Variants in KCNA6 observed in about 807,000 individuals in gnomAD.
KCNA6 encodes the protein human brain potassium channel-2.
A neutral mutation model predicts 29.5 loss-of-function variants in KCNA6; 17 were observed. The observed-to-expected ratio is 0.58, with a 90% CI of 0.39 to 0.86. The LOEUF is 0.86. Ranked by LOEUF, KCNA6 falls within the 40% of genes least tolerant of loss-of-function variation. The pLI, the probability that KCNA6 is intolerant of heterozygous loss-of-function variation, is 0.00. For missense variants in KCNA6, 450 were observed against 703.4 expected, an observed-to-expected ratio of 0.64 and a Z score of 4.07; for synonymous variants, 296 against 304.7, an observed-to-expected ratio of 0.97 and a Z score of 0.30.
the KCNA6 span, among the ~76,000 whole-genome samples, chr12:4,822,008 C>T: frequency 6.6e-6 from 1 of 152,062 alleles, no homozygotes; most frequent in African/African-American, 2.4e-5. Flanking sequence ...TAATTTTTTG[C>T]ATTTTTAGGA....
Position 4,810,451 on chromosome 12 carries a change from A to C in KCNA6, c.410A>C (p.Asp137Ala). 1 of 1,613,970 alleles carries C rather than the reference A, an allele frequency of 6.2e-7. No homozygotes were observed. The highest frequency in any genetic ancestry group is 8.5e-7 in the Non-Finnish European group (1 of 1,179,966). The change falls in exon 1 of 1, where the codon GAC (aspartate) becomes GCC (alanine). Residue 137 changes from aspartate (D) to alanine (A), a missense_variant. Asp to Ala is a moderately radical substitution (Grantham distance 126). Around this residue, in one of 7 missense-constraint regions of KCNA6, gnomAD observed 133 missense variants for 217.5 expected, o/e 0.61. Coordinates refer to ENST00000280684, the Ensembl canonical transcript of KCNA6. The surrounding 1 kb of genome is among the most constrained non-coding windows in gnomAD (Gnocchi z 7.5). ...GAGGCCCTGGCGGCCTTCCGGGAGG[A>C]CGAGGGCTGCCTGCCCGAAGGTGGC...
At position 4,810,582 on chromosome 12, in the gene KCNA6, G is replaced by A; in HGVS notation, c.541G>A (p.Val181Met). ...GGCCAGGGGCATCGCCATCGTCTCC[G>A]TGTTGGTCATTCTCATCTCCATAGT... The change falls in exon 1 of 1, where the codon GTG (valine) becomes ATG (methionine). Residue 181 changes from valine to methionine, a missense_variant. Physicochemically the swap from Val to Met is conservative, Grantham distance 21 (BLOSUM62 1). Transcript: ENST00000280684. The surrounding 1 kb of genome is among the most constrained non-coding windows in gnomAD (Gnocchi z 7.5). 6.2e-7 allele frequency: 1 copy of A among 1,614,150 alleles called. No homozygotes were observed. The highest frequency in any genetic ancestry group is 1.1e-5 in the South Asian group (1 of 91,072).
the KCNA6 span, among the ~76,000 whole-genome samples, chr12:4,821,733 A>G: frequency 1.3e-5 from 2 of 152,158 alleles, no homozygotes; most frequent in Admixed American, 1.3e-4. Context: ...TCCACCCACC[A>G]TCAGCAAAAG....
At chr12:4,823,898 T>C in the KCNA6 span, among the ~76,000 whole-genome samples, 8 of 152,218 alleles carry the variant, frequency 5.3e-5, no homozygotes, top group East Asian at 1.3e-3. Flanking sequence ...CCCACACCTG[T>C]AGCTGTGTCA....
In KCNA6 at chr12:4,810,552, G is replaced by C; in HGVS notation, c.511G>C (p.Gly171Arg). 6.2e-7 allele frequency: 1 copy of C among 1,614,140 alleles called. No homozygotes were observed. Among genetic ancestry groups the C allele is most frequent in the Non-Finnish European group, 8.5e-7 (1 of 1,180,022 alleles). ...GCTCTTTGAGTACCCAGAGAGCTCTGGGCCGGCCAGGGGCATCGCCATCGT... is the reference window on the plus strand; with the variant it reads ...GCTCTTTGAGTACCCAGAGAGCTCTCGGCCGGCCAGGGGCATCGCCATCGT... The change falls in exon 1 of 1, where the codon GGG becomes CGG. Residue 171 changes from glycine (G) to arginine (R), a missense_variant. Gly to Arg is a moderately radical substitution (Grantham distance 125). This residue lies in a region of KCNA6 where 133 missense variants were observed against 217.5 expected (regional missense o/e 0.61). Transcript: ENST00000280684. This position sits in a 1 kb window ranked among gnomAD's most constrained non-coding sequence, Gnocchi z 7.5.
exon 1 of KCNA6, chr12:4,812,903 G>T (rs1946645841): frequency 6.0e-6 from 1 of 167,062 alleles, no homozygotes; most frequent in Non-Finnish European, 1.5e-5. Context: ...TGACTTGGTG[G>T]CGTTCCCACT....
the KCNA6 span, among the ~76,000 whole-genome samples, chr12:4,827,429 G>T: frequency 6.6e-6 from 1 of 152,296 alleles, no homozygotes; most frequent in South Asian, 2.1e-4. Flanking sequence ...AAAATGCTGG[G>T]CAAGAAAAGA....
At chr12:4,816,970 C>G (rs1277798584), downstream of KCNA6, among the ~76,000 whole-genome samples, 1 of 152,216 alleles carries the variant, frequency 6.6e-6, no homozygotes, top group Non-Finnish European at 1.5e-5. Context: ...CTCCTCTCCG[C>G]TGGCTGAGCC....
At chr12:4,835,741 A>G in the KCNA6 span, among the ~76,000 whole-genome samples, 3 of 151,906 alleles carry the variant, frequency 2.0e-5, no homozygotes, top group Non-Finnish European at 4.4e-5. Flanking sequence ...AAAGACATCA[A>G]CTCAGCTGTC....
chr12:4,828,431 A>T, the KCNA6 span, among the ~76,000 whole-genome samples: 6 of 152,232 alleles, frequency 3.9e-5, no homozygotes, highest in Non-Finnish European at 7.3e-5. Flanking sequence ...GAACGGTGCT[A>T]CAACGAACAC....
rs977226680 is a variant in KCNA6 at position 4,811,816 on chromosome 12, A to C, written c.*185A>C. ...TGTTGCTTAATCCCTGCAGCATTCA[A>C]GGTTAATCCATCTAAGTGACATTTT... is the stretch of plus-strand genomic sequence containing the variant. On this transcript the variant is annotated 3_prime_UTR_variant, in exon 1 of 1. Coordinates refer to ENST00000280684, the Ensembl canonical transcript of KCNA6. This position sits in a 1 kb window ranked among gnomAD's most constrained non-coding sequence, Gnocchi z 7.1. 7.5e-6 allele frequency: 5 copies of C among 666,960 alleles called. No individual in the cohort carries two copies. The highest frequency in any genetic ancestry group is 1.3e-5 in the Non-Finnish European group (5 of 394,014). 41.3% of individuals were successfully genotyped at this position (666,960 alleles called of 1,614,324 possible). A position where few individuals can be genotyped will look rare whatever the true frequency, so the allele number is the denominator to read the frequency against.
the KCNA6 span, among the ~76,000 whole-genome samples, chr12:4,834,316 T>C: frequency 1.3e-5 from 2 of 152,124 alleles, no homozygotes; most frequent in African/African-American, 4.8e-5. Context: ...TAGTGAGGGG[T>C]GACAGCTGGG....
chr12:4,822,518 G>A, the KCNA6 span, among the ~76,000 whole-genome samples: 5 of 152,164 alleles, frequency 3.3e-5, no homozygotes, highest in African/African-American at 4.8e-5. Context: ...AGAGAAGAAG[G>A]CACTGGAGAG....
At chr12:4,824,828 A>T in the KCNA6 span, among the ~76,000 whole-genome samples, 1 of 152,230 alleles carries the variant, frequency 6.6e-6, no homozygotes, top group Non-Finnish European at 1.5e-5. Context: ...CTTACAGAGG[A>T]TGTATTGGCT....
chr12:4,817,133 T>C (rs894074978), downstream of KCNA6, among the ~76,000 whole-genome samples: 1 of 152,142 alleles, frequency 6.6e-6, no homozygotes, highest in Non-Finnish European at 1.5e-5. Flanking sequence ...GGGAAGGAAG[T>C]GGGGAGGAAA....
Position 4,811,658 on chromosome 12 carries a change from G to C in KCNA6, c.*27G>C, listed in dbSNP as rs374411363. On this transcript the variant is annotated 3_prime_UTR_variant, in exon 1 of 1. Transcript: ENST00000280684. The surrounding 1 kb of genome is among the most constrained non-coding windows in gnomAD (Gnocchi z 7.1). ...CCATGCAGGCAGGGCCTGCAGGAGG[G>C]GAGCACTGAGCTAACAGTCTCTTAG... is the stretch of plus-strand genomic sequence containing the variant. 1 of 1,595,312 alleles carries C rather than the reference G, an allele frequency of 6.3e-7. No individual in the cohort carries two copies. The highest frequency in any genetic ancestry group is 8.5e-7 in the Non-Finnish European group (1 of 1,169,826).
At chr12:4,817,898 C>G (rs1946696775), downstream of KCNA6, among the ~76,000 whole-genome samples, 1 of 152,202 alleles carries the variant, frequency 6.6e-6, no homozygotes, top group South Asian at 2.1e-4. Flanking sequence ...CTGCAAGGAG[C>G]GCAGACAGAC....
the KCNA6 span, among the ~76,000 whole-genome samples, chr12:4,834,389 T>A: frequency 1.3e-5 from 2 of 152,188 alleles, no homozygotes; most frequent in African/African-American, 2.4e-5. Context: ...CTTATTTTTT[T>A]AAATAGACAT....
the KCNA6 span, among the ~76,000 whole-genome samples, chr12:4,833,855 T>A: frequency 2.0e-5 from 3 of 151,826 alleles, no homozygotes; most frequent in East Asian, 5.8e-4. Flanking sequence ...TAACTTAGAG[T>A]CATCCCTAGG....
Sources: allele counts gnomAD v4.1 joint callset (sites outside exome capture counted in the v4.1 genomes callset), GRCh38; gene constraint gnomAD v4.1.1; regional missense constraint gnomAD v4.1.1; non-coding constraint Gnocchi (gnomAD v3.1); transcripts MANE v1.5; gene names NCBI Gene and HGNC (gene_info 2026-07-23, HGNC 2026-07-21).